Variants in RABGEF1 observed in about 807,000 individuals in gnomAD.
The protein encoded by RABGEF1 is rab5 GDP/GTP exchange factor.
Under a neutral mutation model 57.3 loss-of-function variants are expected in RABGEF1, and 26 were observed. The observed-to-expected ratio is 0.45, with a 90% CI of 0.33 to 0.63. The LOEUF (loss-of-function observed/expected upper bound fraction) is 0.63, where lower values mean the gene tolerates loss of function less well. Among genes scored for constraint, RABGEF1 ranks in the 20% least tolerant of loss-of-function variants. RABGEF1 has a pLI of 0.02. For synonymous variants in RABGEF1, 185 were observed against 210.7 expected, an observed-to-expected ratio of 0.88 and a Z score of 1.06; for missense variants, 464 against 607.6, an observed-to-expected ratio of 0.76 and a Z score of 2.48.
chr7:66,672,285 A>T, the RABGEF1 span, among the ~76,000 whole-genome samples: 1 of 147,650 alleles, frequency 6.8e-6, no homozygotes, highest in African/African-American at 2.5e-5. Context: ...AAAAAAAATT[A>T]GCCGGGCGCG....
At chr7:66,726,186 C>T (rs1380748467) in intron 2 of RABGEF1, among the ~76,000 whole-genome samples, 1 of 152,178 alleles carries the variant, frequency 6.6e-6, no homozygotes, top group African/African-American at 2.4e-5. Flanking sequence ...GACCCAGAGC[C>T]ATCAAATGAC....
upstream of RABGEF1, among the ~76,000 whole-genome samples, chr7:66,736,563 G>A (rs1473400658): frequency 6.6e-6 from 1 of 152,082 alleles, no homozygotes; most frequent in Non-Finnish European, 1.5e-5. Flanking sequence ...AGGTTGAGGT[G>A]GAAAGACCTG....
chr7:66,688,782 G>C (rs865905804), intron 1 of RABGEF1, among the ~76,000 whole-genome samples: 28 of 152,248 alleles, frequency 1.8e-4, no homozygotes, highest in African/African-American at 6.5e-4. Context: ...GAAATGTATA[G>C]CTGTAAGCAT....
chr7:66,763,010 A>AT (rs1243019193), intron 1 of RABGEF1, among the ~76,000 whole-genome samples: 2 of 152,044 alleles, frequency 1.3e-5, no homozygotes, highest in African/African-American at 2.4e-5. Flanking sequence ...TTTTATTTTT[A>AT]TTTTTTTAAG....
chr7:66,741,077 C>T (rs1042742164), intron 1 of RABGEF1, among the ~76,000 whole-genome samples: 15 of 152,162 alleles, frequency 9.9e-5, no homozygotes, highest in African/African-American at 3.6e-4. Context: ...CGAGCCCCGA[C>T]GGCCTGACGC....
chr7:66,775,165 C>T, intron 2 of RABGEF1, 62 bp from the exon 3 acceptor site: 1 of 1,520,836 alleles, frequency 6.6e-7, no homozygotes, highest in Non-Finnish European at 8.8e-7. Context: ...GAGTAATAAC[C>T]TTCACATACA....
chr7:66,736,794 G>T (rs1562754240), upstream of RABGEF1, among the ~76,000 whole-genome samples: 1 of 152,194 alleles, frequency 6.6e-6, no homozygotes, highest in Non-Finnish European at 1.5e-5. Flanking sequence ...CCAGGAGGCA[G>T]AAGTTGCAGT....
chr7:66,738,019 T>TG (rs200992256), upstream of RABGEF1, among the ~76,000 whole-genome samples: 3 of 134,992 alleles, frequency 2.2e-5, no homozygotes, highest in East Asian at 2.8e-4. Flanking sequence ...TTTTTGTTTT[T>TG]TTTGTTTTTT....
intron 7 of RABGEF1, 130 bp from the exon 8 acceptor site, chr7:66,805,010 A>T: frequency 9.6e-7 from 1 of 1,038,690 alleles, no homozygotes; most frequent in Non-Finnish European, 1.4e-6. Context: ...GTTATTATAT[A>T]CTAAGTTAAC....
chr7:66,696,061 T>C lies in RABGEF1; in HGVS notation c.-873+13803T>C, dbSNP rs186843439. ...TGGACGTGGGCCTTACAAGGGACTT[T>C]AAAATATATATATATTTTTTTCTTG... On this transcript the variant is annotated intron_variant and NMD_transcript_variant, in intron 1 of 9. Coordinates refer to the RABGEF1 transcript ENST00000607882. 2.6e-4 allele frequency among the ~76,000 whole-genome samples: 40 copies of C among 152,148 alleles called. No homozygotes were observed. In the East Asian group the frequency reaches 7.0e-3, roughly 26 times the overall value.
chr7:66,793,479 G>T (rs759476566), intron 4 of RABGEF1, among the ~76,000 whole-genome samples: 1 of 152,122 alleles, frequency 6.6e-6, no homozygotes, highest in African/African-American at 2.4e-5. Flanking sequence ...GAGCATTTCA[G>T]ATTTTTTATT....
At chr7:66,682,895 C>T (rs1409206477) in intron 1 of RABGEF1, among the ~76,000 whole-genome samples, 2 of 152,186 alleles carry the variant, frequency 1.3e-5, no homozygotes, top group East Asian at 1.9e-4. Context: ...ATGCCCATCA[C>T]GGCAGTTTAG....
In RABGEF1 at chr7:66,783,732, C is replaced by T. The variant is rs746140944; in HGVS notation, c.404C>T (p.Thr135Met). 1.0e-4 allele frequency: 164 copies of T among 1,612,706 alleles called. 2 individuals carry two copies. The highest frequency in any genetic ancestry group is 1.9e-4 in the South Asian group (17 of 90,900). The change falls in exon 4 of 9, where the codon ACG becomes ATG. Residue 135 changes from threonine to methionine, a missense_variant. Physicochemically the swap from Thr to Met is moderately conservative, Grantham distance 81. Coordinates refer to ENST00000284957, the MANE Select transcript of RABGEF1 (RefSeq NM_014504.3). ...PSINRQTSIE[T>M]DRVSKEFIEF... is the part of the protein sequence containing the mutation. ...ATAAACCGGCAAACCAGCATTGAAA[C>T]GGATAGAGTGTCTAAGGAGTTCATA...
chr7:66,719,281 C>CTTAGAGCT (rs1427394848), intron 2 of RABGEF1, among the ~76,000 whole-genome samples: 3 of 152,212 alleles, frequency 2.0e-5, no homozygotes, highest in Admixed American at 1.3e-4. Context: ...GAGAGCTTCT[C>CTTAGAGCT]TTAGAGCTCC....
chr7:66,732,696 G>GCT (rs369579457), intron 2 of RABGEF1, among the ~76,000 whole-genome samples: 22 of 151,566 alleles, frequency 1.5e-4, no homozygotes, highest in Non-Finnish European at 2.7e-4. Flanking sequence ...GCGCTCTTGT[G>GCT]CTCTCTCTCT....
intron 1 of RABGEF1, among the ~76,000 whole-genome samples, chr7:66,697,649 C>T (rs918249586): frequency 6.6e-6 from 1 of 152,106 alleles, no homozygotes; most frequent in African/African-American, 2.4e-5. Context: ...CCTCACCATT[C>T]ACTGAGGATT....
At chr7:66,665,642 A>G in the RABGEF1 span, among the ~76,000 whole-genome samples, 1 of 152,166 alleles carries the variant, frequency 6.6e-6, no homozygotes, top group African/African-American at 2.4e-5. Flanking sequence ...GAAAGGGTAC[A>G]AGAGAATCTA....
At chr7:66,803,888 C>CA (rs761300031) in intron 7 of RABGEF1, among the ~76,000 whole-genome samples, 5,684 of 108,514 alleles carry the variant, frequency 0.052, 159 homozygotes, top group Non-Finnish European at 0.079. Context: ...GATGCTGTCT[C>CA]AAAAAAAAAA....
chr7:66,775,026 T>A (rs562882029), intron 2 of RABGEF1, among the ~76,000 whole-genome samples: 7 of 152,136 alleles, frequency 4.6e-5, no homozygotes, highest in Non-Finnish European at 1.0e-4. Flanking sequence ...GCTGAATGAG[T>A]ATGAGAAGAC....
Sources: allele counts gnomAD v4.1 joint callset (sites outside exome capture counted in the v4.1 genomes callset), GRCh38; gene constraint gnomAD v4.1.1; transcripts MANE v1.5; gene names NCBI Gene and HGNC (gene_info 2026-07-23, HGNC 2026-07-21).